The following PEX7 variants were observed in gnomAD, a reference collection of about 807,000 sequenced individuals.
The protein encoded by PEX7 is peroxisomal biogenesis factor 7, also known as PTS2 receptor.
In PEX7, 34 loss-of-function variants were observed where a neutral mutation model predicts 47.5. The observed-to-expected ratio is 0.72, with a 90% CI of 0.54 to 0.95. PEX7 has a LOEUF of 0.95. Ranked by LOEUF, PEX7 falls within the 40% of genes least tolerant of loss-of-function variation. The pLI, the probability that PEX7 is intolerant of heterozygous loss-of-function variation, is 0.00. For synonymous variants in PEX7, 141 were observed against 148.8 expected, an observed-to-expected ratio of 0.95 and a Z score of 0.38; for missense variants, 394 against 400.3, an observed-to-expected ratio of 0.98 and a Z score of 0.13.
chr6:136,838,137 C>T (rs1008353243), intron 3 of PEX7, among the ~76,000 whole-genome samples: 1 of 152,116 alleles, frequency 6.6e-6, no homozygotes. Flanking sequence ...AGGCAGGGAT[C>T]ATGTGGATGC....
At chr6:136,874,897 T>G (rs1775243605) in intron 8 of PEX7, among the ~76,000 whole-genome samples, 1 of 152,144 alleles carries the variant, frequency 6.6e-6, no homozygotes, top group Non-Finnish European at 1.5e-5. Context: ...CCCAGCACTT[T>G]GGGAGGCTGA....
At chr6:136,891,229 G>A (rs941226241) in intron 8 of PEX7, among the ~76,000 whole-genome samples, 1 of 152,142 alleles carries the variant, frequency 6.6e-6, no homozygotes. Flanking sequence ...GTGGTATGTG[G>A]TTCCCGGGCT....
chr6:136,834,417 A>C (rs1196693572), intron 3 of PEX7, among the ~76,000 whole-genome samples: 1 of 152,160 alleles, frequency 6.6e-6, no homozygotes, highest in Non-Finnish European at 1.5e-5. Flanking sequence ...GGGTTTCTCC[A>C]TGTTGCCCAG....
chr6:136,827,849 GT>G (rs1347542335), intron 3 of PEX7, among the ~76,000 whole-genome samples: 2 of 151,662 alleles, frequency 1.3e-5, no homozygotes, highest in African/African-American at 4.8e-5. Flanking sequence ...GTGTGTGTGT[GT>G]TTTTTTGTTG....
At chr6:136,840,888 A>G (rs575673273) in intron 3 of PEX7, among the ~76,000 whole-genome samples, 2 of 152,262 alleles carry the variant, frequency 1.3e-5, no homozygotes, top group African/African-American at 4.8e-5. Flanking sequence ...GTCTCTGCAC[A>G]GAGAGGTCTT....
chr6:136,855,418 C>T (rs1023785222), intron 5 of PEX7, among the ~76,000 whole-genome samples: 3 of 151,164 alleles, frequency 2.0e-5, no homozygotes, highest in Non-Finnish European at 4.4e-5. Flanking sequence ...CAGCTCACTG[C>T]AACTTCCGCC....
At chr6:136,869,749 T>G in intron 6 of PEX7, 141 bp from the exon 7 acceptor site, 6 of 769,870 alleles carry the variant, frequency 7.8e-6, no homozygotes, top group South Asian at 5.5e-5. Flanking sequence ...CTGTCTATAC[T>G]TGTTATACAA....
intron 5 of PEX7, among the ~76,000 whole-genome samples, chr6:136,853,103 G>A (rs538240790): frequency 3.2e-4 from 48 of 152,190 alleles, no homozygotes; most frequent in African/African-American, 1.1e-3. Context: ...AAACTGGCTA[G>A]CCATATGTAG....
chr6:136,879,115 T>C (rs1436628338), intron 8 of PEX7, among the ~76,000 whole-genome samples: 1 of 152,190 alleles, frequency 6.6e-6, no homozygotes, highest in East Asian at 1.9e-4. Flanking sequence ...ATTTATGCTT[T>C]GTTAGAACAT....
chr6:136,866,782 A>C (rs1232606044), intron 6 of PEX7, 49 bp downstream of exon 6: 1 of 1,479,730 alleles, frequency 6.8e-7, no homozygotes, highest in Non-Finnish European at 9.4e-7. Flanking sequence ...TAATGTTAAA[A>C]TGTTCTGAAT....
chr6:136,891,037 A>G (rs1006623441), intron 8 of PEX7, among the ~76,000 whole-genome samples: 1 of 152,240 alleles, frequency 6.6e-6, no homozygotes, highest in African/African-American at 2.4e-5. Flanking sequence ...GATTTGTACC[A>G]GTAAGCAATA....
At chr6:136,841,546 C>G (rs991751001) in intron 3 of PEX7, among the ~76,000 whole-genome samples, 1 of 152,170 alleles carries the variant, frequency 6.6e-6, no homozygotes, top group Non-Finnish European at 1.5e-5. Context: ...GAATTTCCAT[C>G]CAAGCACCCC....
intron 8 of PEX7, among the ~76,000 whole-genome samples, chr6:136,882,554 T>C (rs1775395841): frequency 6.6e-6 from 1 of 151,712 alleles, no homozygotes; most frequent in Non-Finnish European, 1.5e-5. Flanking sequence ...TTTAAAATAA[T>C]AATAATAATA....
chr6:136,875,598 A>C (rs779534731), intron 8 of PEX7, among the ~76,000 whole-genome samples: 22 of 152,200 alleles, frequency 1.4e-4, no homozygotes, highest in Non-Finnish European at 2.8e-4. Flanking sequence ...TGAATGTTTC[A>C]TTTGCAGTTC....
intron 9 of PEX7, among the ~76,000 whole-genome samples, chr6:136,911,597 G>A (rs1775933833): frequency 6.6e-6 from 1 of 151,962 alleles, no homozygotes; most frequent in South Asian, 2.1e-4. Flanking sequence ...GGTAGAGGTG[G>A]GGTTTCACCA....
intron 5 of PEX7, among the ~76,000 whole-genome samples, chr6:136,864,334 T>C (rs1775020113): frequency 6.6e-6 from 1 of 152,148 alleles, no homozygotes; most frequent in Admixed American, 6.5e-5. Flanking sequence ...AACACACATA[T>C]TGAGAGCTTA....
intron 1 of PEX7, 28 bp from the exon 2 acceptor site, chr6:136,825,186 G>T: frequency 6.3e-7 from 1 of 1,599,432 alleles, no homozygotes; most frequent in Non-Finnish European, 8.6e-7. Flanking sequence ...AGGTTCAAAG[G>T]GATGACCTTG....
chr6:136,825,595 G>A (rs529974667), intron 2 of PEX7, among the ~76,000 whole-genome samples: 47 of 151,962 alleles, frequency 3.1e-4, no homozygotes, highest in African/African-American at 9.9e-4. Flanking sequence ...GTACAGTGGC[G>A]CCATCTTGGC....
chr6:136,883,933 A>G (rs1775423202), intron 8 of PEX7, among the ~76,000 whole-genome samples: 1 of 152,192 alleles, frequency 6.6e-6, no homozygotes, highest in South Asian at 2.1e-4. Flanking sequence ...CATTTTTTTT[A>G]GAAATATAAT....
Sources: gnomAD v4.1 joint callset for allele counts (sites outside exome capture counted in the v4.1 genomes callset) on GRCh38, gnomAD v4.1.1 for gene constraint, MANE v1.5 for transcripts, NCBI Gene and HGNC (gene_info 2026-07-23, HGNC 2026-07-21) for gene names.